The following TSHZ2 variants were observed in gnomAD, a reference collection of about 807,000 sequenced individuals.
The protein encoded by TSHZ2 is teashirt zinc finger homeobox 2.
In TSHZ2, 21 loss-of-function variants were observed where a neutral mutation model predicts 74.4. That is an observed-to-expected ratio of 0.28 (90% CI 0.20 to 0.41). The LOEUF (loss-of-function observed/expected upper bound fraction) is 0.41, where lower values mean the gene tolerates loss of function less well. Ranked by LOEUF, TSHZ2 falls within the 10% of genes least tolerant of loss-of-function variation. The pLI, the probability that TSHZ2 is intolerant of heterozygous loss-of-function variation, is 1.00. For synonymous variants in TSHZ2, 540 were observed against 515.3 expected, an observed-to-expected ratio of 1.05 and a Z score of -0.65; for missense variants, 1,244 against 1,293.5, an observed-to-expected ratio of 0.96 and a Z score of 0.59.
chr20:53,006,232 T>G (rs980061295), intron 1 of TSHZ2, among the ~76,000 whole-genome samples: 1 of 152,216 alleles, frequency 6.6e-6, no homozygotes, highest in Non-Finnish European at 1.5e-5. Context: ...AATGTTTGCA[T>G]CCCTACTGAA....
rs1420950217 is a variant in TSHZ2, at chr20:53,493,902, A to G, written c.*6767A>G. On this transcript the variant is annotated 3_prime_UTR_variant, in exon 3 of 3. Coordinates refer to ENST00000371497, the MANE Select transcript of TSHZ2 (RefSeq NM_173485.6). ...CCATTATCCTGAATATTAGCTTTCA[A>G]TGCAGTCACTATTTGACATTTCCAA... 6.6e-6 allele frequency: 1 copy of G among 152,204 alleles called. No individual in the cohort carries two copies. The highest frequency in any genetic ancestry group is 2.4e-5 in the African/African-American group (1 of 41,442). 9.4% of individuals were successfully genotyped at this position (152,204 alleles called of 1,614,324 possible).
chr20:53,187,817 G>A (rs1162507178), intron 1 of TSHZ2, among the ~76,000 whole-genome samples: 2 of 152,118 alleles, frequency 1.3e-5, no homozygotes, highest in African/African-American at 2.4e-5. Flanking sequence ...GAGGGAAAAG[G>A]GTGGTGCTAT....
chr20:53,024,958 C>A (rs569352365), intron 1 of TSHZ2, among the ~76,000 whole-genome samples: 12 of 152,090 alleles, frequency 7.9e-5, no homozygotes, highest in Admixed American at 7.2e-4. Flanking sequence ...AATAGACATA[C>A]GTGTGCATGT....
chr20:53,298,339 A>G (rs558195126), intron 2 of TSHZ2, among the ~76,000 whole-genome samples: 1 of 152,338 alleles, frequency 6.6e-6, no homozygotes, highest in South Asian at 2.1e-4. Context: ...AAGGATACAA[A>G]CCATCGCACT....
intron 1 of TSHZ2, among the ~76,000 whole-genome samples, chr20:53,143,728 A>G (rs1217864807): frequency 6.6e-6 from 1 of 151,940 alleles, no homozygotes; most frequent in Non-Finnish European, 1.5e-5. Context: ...TAATAATAAT[A>G]ATTGTAATAA....
At chr20:53,466,413 T>C (rs1985565426) in intron 2 of TSHZ2, among the ~76,000 whole-genome samples, 2 of 152,028 alleles carry the variant, frequency 1.3e-5, no homozygotes, top group East Asian at 1.9e-4. Context: ...GTGAATCTCG[T>C]TGGGCTGTAA....
At chr20:53,023,685 T>C (rs1983331796) in intron 1 of TSHZ2, among the ~76,000 whole-genome samples, 1 of 151,816 alleles carries the variant, frequency 6.6e-6, no homozygotes, top group South Asian at 2.1e-4. Flanking sequence ...CCATTTTTCT[T>C]CCTTATAGTT....
intron 1 of TSHZ2, among the ~76,000 whole-genome samples, chr20:53,005,084 C>T (rs1183033973): frequency 1.3e-5 from 2 of 152,038 alleles, no homozygotes; most frequent in East Asian, 1.9e-4. Context: ...AGGCCGAGGC[C>T]AGAGGATCAG....
chr20:53,333,606 C>T (rs554139143), intron 2 of TSHZ2, among the ~76,000 whole-genome samples: 2 of 152,320 alleles, frequency 1.3e-5, no homozygotes, highest in East Asian at 3.9e-4. Flanking sequence ...TAGGCACCCA[C>T]CACCACGCCT....
At position 53,256,396 on chromosome 20, in the gene TSHZ2, T is replaced by C; in HGVS notation, c.2938T>C (p.Ser980Pro). Residue 980 changes from serine (S) to proline (P), a missense_variant, in exon 2 of 3, where the codon TCT becomes CCT. By Grantham distance (74) the Ser-to-Pro change is moderately conservative. Transcript: ENST00000371497. The surrounding 1 kb of genome is among the most constrained non-coding windows in gnomAD (Gnocchi z 4.3). ...EISRVSSAQR[S>P]PETIAAEEDT... The stretch of plus-strand genomic sequence containing the variant: ...CTCCCGGGTATCGTCGGCTCAGAGG[T>C]CTCCAGAAACAATAGCTGCCGAAGA... 6.2e-7 allele frequency: 1 copy of C among 1,613,488 alleles called. No homozygotes were observed. Among genetic ancestry groups the C allele is most frequent in the Non-Finnish European group, 8.5e-7 (1 of 1,179,630 alleles).
chr20:53,199,131 C>T (rs1988939681), intron 1 of TSHZ2, among the ~76,000 whole-genome samples: 1 of 152,164 alleles, frequency 6.6e-6, no homozygotes, highest in African/African-American at 2.4e-5. Context: ...GTTACAGAGC[C>T]TGACGTAGAG....
chr20:53,067,485 CCTTTCT>C (rs368850644), intron 1 of TSHZ2, among the ~76,000 whole-genome samples: 22 of 152,128 alleles, frequency 1.4e-4, no homozygotes, highest in African/African-American at 4.6e-4. Flanking sequence ...TGAAAAGTAA[CCTTTCT>C]CTTTCTAGCC....
At chr20:53,413,447 T>G (rs1427998462) in intron 2 of TSHZ2, among the ~76,000 whole-genome samples, 1 of 152,216 alleles carries the variant, frequency 6.6e-6, no homozygotes, top group African/African-American at 2.4e-5. Flanking sequence ...GGAGATCACG[T>G]GAGCTACTAG....
intron 1 of TSHZ2, among the ~76,000 whole-genome samples, chr20:53,243,805 TCTTG>T (rs1022665822): frequency 6.0e-5 from 9 of 150,740 alleles, no homozygotes; most frequent in Non-Finnish European, 8.9e-5. Flanking sequence ...ACAGTGGGTT[TCTTG>T]CTTGCTTGCT....
chr20:53,282,859 TC>T (rs1354019892), intron 2 of TSHZ2, among the ~76,000 whole-genome samples: 2 of 152,208 alleles, frequency 1.3e-5, no homozygotes, highest in Non-Finnish European at 2.9e-5. Context: ...TTGCCGAGAC[TC>T]CTTCACACAT....
intron 1 of TSHZ2, among the ~76,000 whole-genome samples, chr20:53,005,935 T>C (rs1982628046): frequency 6.6e-6 from 1 of 152,056 alleles, no homozygotes; most frequent in Non-Finnish European, 1.5e-5. Context: ...ATCTTAGCTT[T>C]AAAGGCATCA....
At chr20:53,479,425 C>T (rs6097438) in intron 2 of TSHZ2, among the ~76,000 whole-genome samples, 30,402 of 152,028 alleles carry the variant, frequency 0.2, 3,212 homozygotes, top group East Asian at 0.29. Flanking sequence ...GCGCCATAGG[C>T]AGACTCACCG....
chr20:53,228,141 C>T (rs943837457), intron 1 of TSHZ2, among the ~76,000 whole-genome samples: 1 of 148,930 alleles, frequency 6.7e-6, no homozygotes, highest in African/African-American at 2.5e-5. Context: ...CACACACACA[C>T]ACTCACAGAG....
At chr20:53,441,540 C>T (rs1984327338) in intron 2 of TSHZ2, among the ~76,000 whole-genome samples, 1 of 151,816 alleles carries the variant, frequency 6.6e-6, no homozygotes, top group Non-Finnish European at 1.5e-5. Context: ...CCCACCTCGG[C>T]CTCCCAAAGT....
Sources: gnomAD v4.1 joint callset for allele counts (sites outside exome capture counted in the v4.1 genomes callset) on GRCh38, gnomAD v4.1.1 for gene constraint, Gnocchi (gnomAD v3.1) non-coding constraint, MANE v1.5 for transcripts, NCBI Gene and HGNC (gene_info 2026-07-23, HGNC 2026-07-21) for gene names.